Variants in TBL1XR1 observed in about 807,000 individuals in gnomAD.
The protein encoded by TBL1XR1 is TBL1X/Y related 1, also known as F-box-like/WD repeat-containing protein TBL1XR1.
Under a neutral mutation model 66.9 loss-of-function variants are expected in TBL1XR1, and 5 were observed. That is an observed-to-expected ratio of 0.07 (90% confidence interval 0.04 to 0.16). TBL1XR1 has a LOEUF of 0.16. TBL1XR1 is among the 10% of genes least tolerant of loss of function. TBL1XR1 has a pLI of 1.00. For missense variants in TBL1XR1, 238 were observed against 623.2 expected, an observed-to-expected ratio of 0.38 and a Z score of 6.58; for synonymous variants, 210 against 206.0, an observed-to-expected ratio of 1.02 and a Z score of -0.17.
chr3:177,178,838 T>C (rs948149829), intron 1 of TBL1XR1, among the ~76,000 whole-genome samples: 4 of 151,752 alleles, frequency 2.6e-5, no homozygotes, highest in African/African-American at 9.7e-5. Flanking sequence ...TGATTATCAG[T>C]CAGGCGCAGT....
intron 1 of TBL1XR1, among the ~76,000 whole-genome samples, chr3:177,174,060 G>A (rs769733389): frequency 5.9e-4 from 90 of 152,050 alleles, no homozygotes; most frequent in African/African-American, 2.0e-3. Context: ...TATACCAATC[G>A]ATTTTTCACG....
chr3:177,054,882 T>C (rs1717603300), intron 3 of TBL1XR1, among the ~76,000 whole-genome samples: 1 of 152,192 alleles, frequency 6.6e-6, no homozygotes, highest in South Asian at 2.1e-4. Flanking sequence ...AATCTCTTTA[T>C]GTTGGCCTTG....
intron 1 of TBL1XR1, among the ~76,000 whole-genome samples, chr3:177,107,284 T>G (rs75476937): frequency 1.3e-5 from 2 of 152,224 alleles, no homozygotes; most frequent in African/African-American, 4.8e-5. Flanking sequence ...GTCGCTCTTA[T>G]GTGTCCTTAC....
intron 1 of TBL1XR1, among the ~76,000 whole-genome samples, chr3:177,138,379 G>T (rs1729238304): frequency 1.3e-5 from 2 of 152,160 alleles, no homozygotes; most frequent in Admixed American, 1.3e-4. Context: ...AGAACTGATT[G>T]AGCCCAGGAG....
In TBL1XR1 at chr3:177,051,705, G is replaced by T; in HGVS notation, c.226C>A (p.Arg76=). The T allele has an allele frequency of 6.3e-7, 1 of 1,586,546 alleles. No individual in the cohort carries two copies. Among genetic ancestry groups the T allele is most frequent in the South Asian group, 1.1e-5 (1 of 87,120 alleles). The change falls in exon 5 of 16, where the codon CGA becomes AGA. Residue 76 remains arginine (R), a synonymous_variant. Coordinates refer to ENST00000457928, the MANE Select transcript of TBL1XR1 (RefSeq NM_024665.7). The stretch of plus-strand genomic sequence containing the variant: ...ATCAGGGACAGAGACTCTATTGGTC[G>T]ACCATCAAACAAGGTACCATCCTGG... ...INEDGTLFDG[R]PIESLSLIDA...
At chr3:177,186,889 A>G (rs7649101) in intron 1 of TBL1XR1, among the ~76,000 whole-genome samples, 75,530 of 151,688 alleles carry the variant, frequency 0.5, 19,583 homozygotes, top group Non-Finnish European at 0.57. Flanking sequence ...GAGTTCGGCC[A>G]GGCGTGGTGG....
chr3:177,049,256 T>C (rs1049138101), intron 7 of TBL1XR1, among the ~76,000 whole-genome samples: 1 of 152,212 alleles, frequency 6.6e-6, no homozygotes, highest in Admixed American at 6.5e-5. Context: ...AACATTCATT[T>C]GCTGAGCAAA....
At chr3:177,154,066 T>C (rs906024110) in intron 1 of TBL1XR1, among the ~76,000 whole-genome samples, 5 of 151,954 alleles carry the variant, frequency 3.3e-5, no homozygotes, top group African/African-American at 9.6e-5. Context: ...TTAATAATTA[T>C]GTTAAATGCA....
chr3:177,118,634 GTTC>G (rs1255037814), intron 1 of TBL1XR1, among the ~76,000 whole-genome samples: 3 of 152,246 alleles, frequency 2.0e-5, no homozygotes, highest in Non-Finnish European at 4.4e-5. Context: ...AAATATCATA[GTTC>G]TTCATTCATT....
chr3:177,181,043 G>A (rs144530075), intron 1 of TBL1XR1, among the ~76,000 whole-genome samples: 11 of 151,922 alleles, frequency 7.2e-5, no homozygotes, highest in Non-Finnish European at 1.3e-4. Context: ...CCCCAGACCC[G>A]CTATCCTGGA....
chr3:177,135,971 C>T (rs1484900512), intron 1 of TBL1XR1, among the ~76,000 whole-genome samples: 1 of 151,852 alleles, frequency 6.6e-6, no homozygotes, highest in African/African-American at 2.4e-5. Flanking sequence ...ACTGTTAAGC[C>T]AGACGAACCA....
intron 1 of TBL1XR1, among the ~76,000 whole-genome samples, chr3:177,192,416 A>T (rs1415775407): frequency 6.6e-6 from 1 of 150,916 alleles, no homozygotes; most frequent in South Asian, 2.1e-4. Flanking sequence ...AAAAAAAAAG[A>T]AAGAAAGTAA....
At chr3:177,090,049 C>T (rs912450904) in intron 2 of TBL1XR1, among the ~76,000 whole-genome samples, 1 of 152,160 alleles carries the variant, frequency 6.6e-6, no homozygotes, top group African/African-American at 2.4e-5. Context: ...GGAAATCTGG[C>T]AAATTGACAT....
At chr3:177,145,078 T>G (rs968122678) in intron 1 of TBL1XR1, among the ~76,000 whole-genome samples, 3 of 152,154 alleles carry the variant, frequency 2.0e-5, no homozygotes, top group Non-Finnish European at 4.4e-5. Context: ...TAACTTCAAG[T>G]GGTACCAGGC....
chr3:177,106,052 C>G (rs556884283), intron 1 of TBL1XR1, among the ~76,000 whole-genome samples: 2 of 152,034 alleles, frequency 1.3e-5, no homozygotes, highest in East Asian at 3.9e-4. Flanking sequence ...AAAAGATAAA[C>G]TCAATCTGTC....
At position 177,155,080 on chromosome 3, in the gene TBL1XR1, A is replaced by G. The variant is rs932253514; in HGVS notation, c.-122+42041T>C. Among the ~76,000 whole-genome samples the G allele has an allele frequency of 7.2e-5, 11 of 152,346 alleles. No individual in the cohort carries two copies. The South Asian group carries it at 8.3e-4, about 11-fold the overall frequency. ...TCATTCTGAAGTATATGAAAAGAGA[A>G]GAGCGTACCAAAAATAGTAAAATGC... is the stretch of plus-strand genomic sequence containing the variant. On this transcript the variant is annotated intron_variant, in intron 1 of 15. Coordinates refer to ENST00000457928, the MANE Select transcript of TBL1XR1 (RefSeq NM_024665.7).
intron 1 of TBL1XR1, among the ~76,000 whole-genome samples, chr3:177,171,569 G>A (rs1322135356): frequency 1.3e-5 from 2 of 151,658 alleles, no homozygotes; most frequent in Admixed American, 6.6e-5. Flanking sequence ...GTGGTGTGGT[G>A]GCGGGCGCCT....
In TBL1XR1 at chr3:177,050,145, A is replaced by G. The variant is rs1234417034; in HGVS notation, c.561-7T>C. On this transcript the variant is annotated splice_polypyrimidine_tract_variant and splice_region_variant and intron_variant, in intron 6 of 15. Transcript: ENST00000457928. ...TGCTGTTGAGTCTCCAGACCTATAA[A>G]AGTATGCAATATATTTTAGATCCTC... The G allele has an allele frequency of 1.2e-6, 2 of 1,612,736 alleles. No individual in the cohort carries two copies. The highest frequency in any genetic ancestry group is 2.2e-5 in the South Asian group (2 of 91,028).
chr3:177,157,948 T>C (rs180929908), intron 1 of TBL1XR1, among the ~76,000 whole-genome samples: 2 of 152,190 alleles, frequency 1.3e-5, no homozygotes, highest in East Asian at 3.9e-4. Context: ...CTCAATGAAG[T>C]TTGTTTGAAG....
Sources: gnomAD v4.1 joint callset for allele counts (sites outside exome capture counted in the v4.1 genomes callset) on GRCh38, gnomAD v4.1.1 for gene constraint, MANE v1.5 for transcripts, NCBI Gene and HGNC (gene_info 2026-07-23, HGNC 2026-07-21) for gene names.